The following EFCAB5 variants were observed in gnomAD, a reference collection of about 807,000 sequenced individuals.
EFCAB5 encodes the protein EF-hand calcium-binding domain-containing protein 5.
Under a neutral mutation model 167.9 loss-of-function variants are expected in EFCAB5, and 131 were observed. The ratio of observed to expected loss-of-function variants is 0.78; its 90% confidence interval spans 0.68 to 0.90. The LOEUF (loss-of-function observed/expected upper bound fraction) is 0.90. Ranked by LOEUF, EFCAB5 falls within the 40% of genes least tolerant of loss-of-function variation. The pLI, the probability that EFCAB5 is intolerant of heterozygous loss-of-function variation, is 0.00. For synonymous variants in EFCAB5, 574 were observed against 602.8 expected (o/e 0.95, Z 0.70); for missense variants, 1,663 against 1,745.2 (o/e 0.95, Z 0.84).
intron 20 of EFCAB5, among the ~76,000 whole-genome samples, 187 bp from the exon 21 acceptor site, chr17:30,091,684 G>A (rs183522724): frequency 2.0e-5 from 3 of 152,246 alleles, no homozygotes; most frequent in Admixed American, 6.5e-5. Context: ...TTCACCGGGA[G>A]TAATTTCATT....
chr17:30,036,949 C>A (rs1046386498), intron 8 of EFCAB5, among the ~76,000 whole-genome samples: 6 of 152,072 alleles, frequency 3.9e-5, no homozygotes, highest in Admixed American at 1.3e-4. Context: ...GTCTGGGTCC[C>A]TAAGTCAGAG....
At chr17:29,942,758 C>T (rs1047374045) in intron 2 of EFCAB5, among the ~76,000 whole-genome samples, 1 of 151,972 alleles carries the variant, frequency 6.6e-6, no homozygotes, top group African/African-American at 2.4e-5. Flanking sequence ...TTAAAATATC[C>T]TATTGATTGT....
At chr17:29,976,122 G>A (rs2068058919) in intron 4 of EFCAB5, among the ~76,000 whole-genome samples, 1 of 152,118 alleles carries the variant, frequency 6.6e-6, no homozygotes, top group Non-Finnish European at 1.5e-5. Context: ...GATTTTGTCT[G>A]TAAACAAATA....
intron 4 of EFCAB5, among the ~76,000 whole-genome samples, chr17:29,985,819 G>C (rs550993053): frequency 2.2e-4 from 34 of 152,182 alleles, no homozygotes; most frequent in Non-Finnish European, 4.7e-4. Flanking sequence ...ACATGTCACA[G>C]TGCTGCAGAG....
intron 7 of EFCAB5, among the ~76,000 whole-genome samples, chr17:30,004,622 CT>C (rs770320423): frequency 2.4e-3 from 322 of 135,704 alleles, no homozygotes; most frequent in African/African-American, 4.4e-3. Context: ...TCTGTGGGCA[CT>C]TTTTTTTTTT....
At chr17:30,005,005 C>T (rs1268552431) in intron 7 of EFCAB5, among the ~76,000 whole-genome samples, 2 of 151,996 alleles carry the variant, frequency 1.3e-5, no homozygotes, top group Non-Finnish European at 2.9e-5. Flanking sequence ...TTGTTTAAGT[C>T]ACCCAGTCTA....
At chr17:29,987,940 C>G (rs2068324540) in intron 4 of EFCAB5, among the ~76,000 whole-genome samples, 1 of 152,186 alleles carries the variant, frequency 6.6e-6, no homozygotes, top group African/African-American at 2.4e-5. Context: ...AACGAGGGAA[C>G]ATGTGTGACA....
intron 7 of EFCAB5, among the ~76,000 whole-genome samples, chr17:30,007,549 A>T (rs1353523910): frequency 6.6e-6 from 1 of 152,224 alleles, no homozygotes; most frequent in Non-Finnish European, 1.5e-5. Flanking sequence ...TTGTAGAGAC[A>T]GAGGTCTTCT....
intron 3 of EFCAB5, among the ~76,000 whole-genome samples, chr17:29,950,329 C>T (rs1026663717): frequency 1.3e-5 from 2 of 150,852 alleles, no homozygotes; most frequent in African/African-American, 4.9e-5. Flanking sequence ...CCCTCTCTCT[C>T]TCCCTCCTTC....
chr17:30,053,868 A>T lies in EFCAB5; in HGVS notation c.1914A>T (p.Ser638=). The change falls in exon 10 of 23, where the codon TCA becomes TCT. Residue 638 remains serine (S), a synonymous_variant. Transcript: ENST00000394835. ...SRRMSAAEQG[S]LRESVIEEPY... ...GAATGTCAGCTGCAGAACAGGGATC[A>T]CTCAGAGAGTCAGTAATAGAAGAAC... The T allele has an allele frequency of 6.2e-7, 1 of 1,614,036 alleles. No homozygotes were observed.
intron 3 of EFCAB5, among the ~76,000 whole-genome samples, chr17:29,959,659 A>G (rs1461192414): frequency 1.3e-5 from 2 of 151,966 alleles, no homozygotes; most frequent in Non-Finnish European, 2.9e-5. Context: ...GGACTCCAGG[A>G]CTCTGCTTGG....
chr17:29,930,899 A>G (rs937506172), intron 1 of EFCAB5, among the ~76,000 whole-genome samples: 3 of 152,272 alleles, frequency 2.0e-5, no homozygotes, highest in Middle Eastern at 3.4e-3. Flanking sequence ...CCAGCCTGCT[A>G]TTGACCTCTC....
At chr17:29,930,179 A>G in intron 1 of EFCAB5, 1 of 584,806 alleles carries the variant, frequency 1.7e-6, no homozygotes, top group Non-Finnish European at 2.9e-6. Context: ...TCGCCGACTG[A>G]CGCTCCGAAC....
chr17:29,995,776 G>A (rs1271884532), intron 5 of EFCAB5, among the ~76,000 whole-genome samples: 1 of 152,156 alleles, frequency 6.6e-6, no homozygotes, highest in Non-Finnish European at 1.5e-5. Flanking sequence ...AATTGGTGTG[G>A]ATAGTCTGCA....
At chr17:30,010,937 A>G (rs1200098985) in intron 7 of EFCAB5, among the ~76,000 whole-genome samples, 3 of 152,162 alleles carry the variant, frequency 2.0e-5, no homozygotes, top group African/African-American at 4.8e-5. Context: ...TTATGGTTTT[A>G]GGTCTAACAT....
upstream of EFCAB5, among the ~76,000 whole-genome samples, chr17:29,937,699 C>T (rs1329931749): frequency 1.3e-5 from 2 of 152,062 alleles, no homozygotes; most frequent in African/African-American, 4.8e-5. Flanking sequence ...TGCCAGTTAC[C>T]AGTATCTCTG....
At chr17:30,028,518 G>A (rs1482318817) in intron 7 of EFCAB5, among the ~76,000 whole-genome samples, 2 of 152,176 alleles carry the variant, frequency 1.3e-5, no homozygotes, top group Non-Finnish European at 2.9e-5. Flanking sequence ...AAAACTTGGG[G>A]AGAAATGAGA....
intron 7 of EFCAB5, among the ~76,000 whole-genome samples, chr17:30,018,516 C>A (rs781492676): frequency 6.6e-6 from 1 of 151,308 alleles, no homozygotes; most frequent in Non-Finnish European, 1.5e-5. Flanking sequence ...ATCTTATATT[C>A]TATTTTTGGA....
Position 30,039,939 on chromosome 17 carries a change from T to G in EFCAB5, c.1200+5554T>G, listed in dbSNP as rs527328814. Among the ~76,000 whole-genome samples the G allele has an allele frequency of 3.3e-5, 5 of 152,274 alleles. No individual in the cohort carries two copies. The South Asian group carries it at 1.0e-3, about 32-fold the overall frequency. ...CCAAATGACAAAAGCAAAGTCTCAG[T>G]AGTAGAAATAGGAGACCTAAGGCAA... On this transcript the variant is annotated intron_variant, in intron 8 of 22. Coordinates refer to ENST00000394835, the MANE Select transcript of EFCAB5 (RefSeq NM_198529.4).
Sources: gnomAD v4.1 joint callset for allele counts (sites outside exome capture counted in the v4.1 genomes callset) on GRCh38, gnomAD v4.1.1 for gene constraint, MANE v1.5 for transcripts, NCBI Gene and HGNC (gene_info 2026-07-23, HGNC 2026-07-21) for gene names.